Variants in CDC42BPA observed in about 807,000 individuals in gnomAD.
CDC42BPA encodes CDC42 binding protein kinase alpha.
In CDC42BPA, 80 loss-of-function variants were observed where a neutral mutation model predicts 223.5. The observed-to-expected ratio is 0.36, with a 90% confidence interval of 0.30 to 0.43. The LOEUF (loss-of-function observed/expected upper bound fraction) is 0.43, where lower values mean the gene tolerates loss of function less well. Ranked by LOEUF, CDC42BPA falls within the 20% of genes least tolerant of loss-of-function variation. The pLI, the probability that CDC42BPA is intolerant of heterozygous loss-of-function variation, is 1.00. For missense variants in CDC42BPA, 1,743 were observed against 2,099.9 expected, an observed-to-expected ratio of 0.83 and a Z score of 3.32; for synonymous variants, 694 against 718.6, an observed-to-expected ratio of 0.97 and a Z score of 0.55.
At chr1:227,290,944 AG>A (rs1421819386) in intron 1 of CDC42BPA, among the ~76,000 whole-genome samples, 2 of 152,198 alleles carry the variant, frequency 1.3e-5, no homozygotes, top group African/African-American at 4.8e-5. Context: ...TGCCAACTAT[AG>A]GGGAGACTGT....
intron 2 of CDC42BPA, among the ~76,000 whole-genome samples, chr1:227,241,555 A>G (rs1680020502): frequency 6.6e-6 from 1 of 152,170 alleles, no homozygotes. Flanking sequence ...CATTATCCTG[A>G]GTGAAAGGTG....
chr1:227,255,846 G>A (rs1340322513), intron 1 of CDC42BPA, among the ~76,000 whole-genome samples: 1 of 152,124 alleles, frequency 6.6e-6, no homozygotes, highest in Non-Finnish European at 1.5e-5. Flanking sequence ...TAGATTGGAA[G>A]AAGACTTAAT....
chr1:227,031,392 T>C lies in CDC42BPA; in HGVS notation c.3681A>G (p.Lys1227=). ...AGACTGAGCGGTCTCTGAATTTGTT[T>C]TTCTTCAAAATCTTGTGCAATTCAC... ...VLSELHKILK[K]NKFRDRSVYV... The change falls in exon 28 of 37, where the codon AAA becomes AAG. Residue 1227 remains lysine, a synonymous_variant. Coordinates refer to ENST00000366766, the MANE Select transcript of CDC42BPA (RefSeq NM_001394014.1). 6.2e-7 allele frequency: 1 copy of C among 1,614,136 alleles called. No homozygotes were observed. The highest frequency in any genetic ancestry group is 8.5e-7 in the Non-Finnish European group (1 of 1,180,002).
intron 1 of CDC42BPA, among the ~76,000 whole-genome samples, chr1:227,286,404 G>C (rs1688811092): frequency 6.6e-6 from 1 of 152,146 alleles, no homozygotes; most frequent in African/African-American, 2.4e-5. Context: ...TCTTTGCTAA[G>C]GTGTAACAAG....
chr1:227,036,575 G>C (rs961121309), intron 24 of CDC42BPA, among the ~76,000 whole-genome samples: 1 of 152,028 alleles, frequency 6.6e-6, no homozygotes, highest in South Asian at 2.1e-4. Flanking sequence ...GACTACAGGC[G>C]CCCGCCACCT....
rs530401942 is a variant in CDC42BPA, at chr1:227,012,228, A to G, written c.4857+3852T>C. 8.1e-4 allele frequency among the ~76,000 whole-genome samples: 123 copies of G among 152,328 alleles called. 1 individual carries two copies. The highest frequency in any genetic ancestry group is 1.1e-3 in the Non-Finnish European group (76 of 68,008). On this transcript the variant is annotated intron_variant, in intron 34 of 36. Transcript: ENST00000366766. ...CTAGGAGAAATGTAATGTGCTAAAA[A>G]TAAGTCTTCTAGAGGTAAAGTATTA...
At chr1:227,113,046 T>G in intron 12 of CDC42BPA, 133 bp from the exon 13 acceptor site, 1 of 799,474 alleles carries the variant, frequency 1.3e-6, no homozygotes, top group Admixed American at 2.5e-5. Flanking sequence ...AGAAATAAAC[T>G]ACTTCTGAAC....
rs1354347656 is a variant in CDC42BPA at position 226,993,657 on chromosome 1, A to G, written c.*611T>C. On this transcript the variant is annotated 3_prime_UTR_variant, in exon 37 of 37. Transcript: ENST00000366766. ...TTAAATTAAATCATCTCTCTTATAT[A>G]TGCATCCATCTTTTGTTGAATACAA... The G allele has an allele frequency of 6.5e-6, 1 of 152,724 alleles. No homozygotes were observed. The highest frequency in any genetic ancestry group is 2.4e-5 in the African/African-American group (1 of 41,450). 9.5% of individuals were successfully genotyped at this position (152,724 alleles called of 1,614,324 possible).
intron 12 of CDC42BPA, among the ~76,000 whole-genome samples, chr1:227,118,248 A>G (rs879370010): frequency 6.6e-6 from 1 of 152,228 alleles, no homozygotes; most frequent in Admixed American, 6.5e-5. Context: ...AAAGGACCTC[A>G]GTGGACATTT....
chr1:227,216,912 T>C (rs1674957870), intron 2 of CDC42BPA, among the ~76,000 whole-genome samples: 1 of 152,234 alleles, frequency 6.6e-6, no homozygotes, highest in Non-Finnish European at 1.5e-5. Flanking sequence ...GAATTATTTC[T>C]GTAAACACTA....
At position 227,026,131 on chromosome 1, in the gene CDC42BPA, G is replaced by A. The variant is rs758916289; in HGVS notation, c.4454C>T (p.Ser1485Leu). Residue 1485 changes from serine (S) to leucine (L), a missense_variant, in exon 31 of 37, where the codon TCG becomes TTG. This residue lies in a region of CDC42BPA where 678 missense variants were observed against 777.5 expected (regional missense o/e 0.87). Coordinates refer to ENST00000366766, the MANE Select transcript of CDC42BPA (RefSeq NM_001394014.1). ...SSCCYNAPYLSVYSENAVDIF... is the reference protein window; with the variant it reads ...SSCCYNAPYLLVYSENAVDIF... Reference sequence around the variant, plus strand: ...ATCAACTGCATTTTCACTGTACACCGAGAGATATGGTGCATTGTAACCTGG... The same window carrying A: ...ATCAACTGCATTTTCACTGTACACCAAGAGATATGGTGCATTGTAACCTGG... 6.9e-5 allele frequency: 110 copies of A among 1,602,432 alleles called. No individual in the cohort carries two copies. Among genetic ancestry groups the A allele is most frequent in the Non-Finnish European group, 8.8e-5 (103 of 1,172,100 alleles).
intron 22 of CDC42BPA, among the ~76,000 whole-genome samples, 165 bp downstream of exon 22, chr1:227,051,716 A>G (rs1673556246): frequency 6.6e-6 from 1 of 152,120 alleles, no homozygotes; most frequent in East Asian, 1.9e-4. Context: ...TGTGCTCTTT[A>G]GTTTTTTACT....
At chr1:227,231,197 C>T (rs902105698) in intron 2 of CDC42BPA, among the ~76,000 whole-genome samples, 107 of 139,352 alleles carry the variant, frequency 7.7e-4, no homozygotes, top group African/African-American at 2.7e-3. Context: ...CAAGCGTTCT[C>T]GTTGTTTAAT....
At chr1:227,195,132 C>T (rs932315594) in intron 4 of CDC42BPA, among the ~76,000 whole-genome samples, 5 of 152,112 alleles carry the variant, frequency 3.3e-5, no homozygotes, top group Non-Finnish European at 7.4e-5. Context: ...ATTAGGGAAG[C>T]AGAATATATT....
At chr1:227,021,223 G>A (rs1303332691) in intron 32 of CDC42BPA, among the ~76,000 whole-genome samples, 1 of 152,114 alleles carries the variant, frequency 6.6e-6, no homozygotes, top group Non-Finnish European at 1.5e-5. Context: ...GCGCTGTTGG[G>A]AAAATGGCAC....
intron 34 of CDC42BPA, among the ~76,000 whole-genome samples, chr1:227,008,033 T>C (rs919456363): frequency 6.6e-6 from 1 of 152,208 alleles, no homozygotes; most frequent in Non-Finnish European, 1.5e-5. Flanking sequence ...TAAGCAGGCA[T>C]ATGGTTCCCT....
rs1664401912 is a variant in CDC42BPA, at chr1:227,007,904, C to CT, written c.4858-2794_4858-2793insA. On this transcript the variant is annotated intron_variant, in intron 34 of 36. Transcript: ENST00000366766. Reference sequence around the variant, plus strand: ...TTTTACATATTTTACTAAACGTCCTCATACTTGCCCTTTAAACATAGAAAC... The same window carrying CT: ...TTTTACATATTTTACTAAACGTCCTCTATACTTGCCCTTTAAACATAGAAAC... 2.6e-5 allele frequency among the ~76,000 whole-genome samples: 4 copies of CT among 152,326 alleles called. No homozygotes were observed. The South Asian group carries it at 8.3e-4, about 32-fold the overall frequency.
intron 1 of CDC42BPA, among the ~76,000 whole-genome samples, chr1:227,273,895 G>C (rs1334073283): frequency 1.0e-4 from 15 of 147,468 alleles, no homozygotes; most frequent in African/African-American, 3.7e-4. Context: ...CAAAGCTCTT[G>C]GAACAGCTTA....
In CDC42BPA at chr1:227,294,598, C is replaced by T. The variant is rs866434136; in HGVS notation, c.178+22407G>A. ...TTAATTGGCCGGGCGCGGTGGCTCACGCCTGTAATCCCAGCACTTTGGGAG... is the reference window on the plus strand; with the variant it reads ...TTAATTGGCCGGGCGCGGTGGCTCATGCCTGTAATCCCAGCACTTTGGGAG... On this transcript the variant is annotated intron_variant, in intron 1 of 36. Transcript: ENST00000366766. 1.4e-4 allele frequency among the ~76,000 whole-genome samples: 10 copies of T among 73,376 alleles called. 3 individuals are homozygous for T. Among genetic ancestry groups the T allele is most frequent in the Middle Eastern group, 6.8e-3 (1 of 148 alleles). 48.1% of individuals were successfully genotyped at this position (73,376 alleles called of 152,430 possible).
Sources: gnomAD v4.1 joint callset for allele counts (sites outside exome capture counted in the v4.1 genomes callset) on GRCh38, gnomAD v4.1.1 for gene constraint, gnomAD v4.1.1 regional missense constraint, MANE v1.5 for transcripts, NCBI Gene and HGNC (gene_info 2026-07-23, HGNC 2026-07-21) for gene names.